STIL: variants seen among roughly 807,000 people sequenced by gnomAD.
The protein encoded by STIL is SCL-interrupting locus protein.
In STIL, 55 loss-of-function variants were observed where a neutral mutation model predicts 110.1. That is an observed-to-expected ratio of 0.50 (90% confidence interval 0.40 to 0.63). The LOEUF (loss-of-function observed/expected upper bound fraction) is 0.63, where lower values mean the gene tolerates loss of function less well. STIL is among the 20% of genes least tolerant of loss of function. The pLI is 0.00. For synonymous variants in STIL, 481 were observed against 530.0 expected (o/e 0.91, Z 1.27); for missense variants, 1,358 against 1,530.0 (o/e 0.89, Z 1.87).
chr1:47,268,713 G>A (rs2897238), intron 14 of STIL, among the ~76,000 whole-genome samples: 38,385 of 151,686 alleles, frequency 0.25, 5,206 homozygotes, highest in Non-Finnish European at 0.31. Flanking sequence ...AGTCAAGATC[G>A]CACCATTGCA....
At chr1:47,295,707 T>C (rs1027648047) in intron 7 of STIL, 58 bp downstream of exon 7, 2 of 1,169,020 alleles carry the variant, frequency 1.7e-6, no homozygotes, top group African/African-American at 3.0e-5. Context: ...GTCACATGCT[T>C]ATCATATACA....
intron 1 of STIL, among the ~76,000 whole-genome samples, chr1:47,310,660 G>A (rs1268064996): frequency 1.3e-5 from 2 of 152,058 alleles, no homozygotes; most frequent in Non-Finnish European, 2.9e-5. Flanking sequence ...GCTCGGTAAG[G>A]CAGGTAGTAT....
chr1:47,283,067 C>G (rs1215582168), intron 10 of STIL: 2 of 152,676 alleles, frequency 1.3e-5, no homozygotes, highest in Non-Finnish European at 2.9e-5. Flanking sequence ...ATACTATATG[C>G]ATCAGGCTTT....
intron 9 of STIL, among the ~76,000 whole-genome samples, chr1:47,288,986 TG>T (rs1645390951): frequency 7.3e-6 from 1 of 136,222 alleles, no homozygotes. Flanking sequence ...CACTTGAACC[TG>T]GGAGGCAGAG....
rs1644159202 is a variant in STIL, at chr1:47,250,613, A to G, written c.*523T>C. 1 of 159,264 alleles carries G rather than the reference A, an allele frequency of 6.3e-6. No homozygotes were observed. The allele number at this position is 159,264 out of a possible 1,614,324, so 9.9% of individuals were successfully genotyped here. On this transcript the variant is annotated 3_prime_UTR_variant, in exon 17 of 17. Transcript: ENST00000371877. ...GGCGGGCGGATCACCTGAGGTCGGG[A>G]GTTTGAGACCAGCCTGACCAACATG...
At chr1:47,263,797 G>C (rs1042850817) in intron 14 of STIL, among the ~76,000 whole-genome samples, 1 of 128,088 alleles carries the variant, frequency 7.8e-6, no homozygotes. Flanking sequence ...ATGTCACCCA[G>C]GCTGGAATGT....
chr1:47,313,076 C>T (rs1646181915), intron 1 of STIL: 1 of 152,260 alleles, frequency 6.6e-6, no homozygotes, highest in African/African-American at 2.4e-5. Context: ...GTAATCCCAG[C>T]ATTTTGGGAG....
chr1:47,291,397 TTTAAAAA>T (rs1393297477), intron 8 of STIL, among the ~76,000 whole-genome samples: 4 of 151,258 alleles, frequency 2.6e-5, no homozygotes, highest in East Asian at 1.9e-4. Flanking sequence ...TAAATAAAAA[TTTAAAAA>T]TTAAAAATTA....
intron 16 of STIL, among the ~76,000 whole-genome samples, chr1:47,252,796 C>T (rs1277838826): frequency 6.7e-6 from 1 of 148,478 alleles, no homozygotes; most frequent in African/African-American, 2.5e-5. Context: ...CACACACACA[C>T]ACACACACAC....
At chr1:47,303,826 A>C (rs1000823510) in intron 3 of STIL, among the ~76,000 whole-genome samples, 8 of 152,182 alleles carry the variant, frequency 5.3e-5, no homozygotes, top group Non-Finnish European at 8.8e-5. Flanking sequence ...CAGTTCCTCT[A>C]TTCAGTCAAT....
intron 12 of STIL, 37 bp downstream of exon 12, chr1:47,280,204 C>G: frequency 6.2e-7 from 1 of 1,613,442 alleles, no homozygotes; most frequent in Non-Finnish European, 8.5e-7. Flanking sequence ...ATCTTAATAC[C>G]AAGAAATTAA....
At chr1:47,310,189 A>G in intron 2 of STIL, 87 bp downstream of exon 2, 1 of 1,342,686 alleles carries the variant, frequency 7.4e-7, no homozygotes, top group Non-Finnish European at 1.0e-6. Context: ...CTGATTCTAA[A>G]GATTATATTC....
chr1:47,252,825 G>A lies in STIL; in HGVS notation c.3081-903C>T, dbSNP rs201057194. Reference sequence around the variant, plus strand: ...CACACACACACACACACACACACACGAATACTTTTTTCATTAGTTATAATC... The same window carrying A: ...CACACACACACACACACACACACACAAATACTTTTTTCATTAGTTATAATC... On this transcript the variant is annotated intron_variant, in intron 16 of 16. Transcript: ENST00000371877. Among the ~76,000 whole-genome samples, 54 of 94,026 alleles carry A rather than the reference G, an allele frequency of 5.7e-4. 2 individuals carry two copies. In the East Asian group the frequency reaches 0.012, roughly 20 times the overall value. The allele number at this position is 94,026 out of a possible 152,430, so 61.7% of individuals were successfully genotyped here. A position where few individuals can be genotyped will look rare whatever the true frequency, so the allele number is the denominator to read the frequency against.
intron 9 of STIL, among the ~76,000 whole-genome samples, chr1:47,288,273 T>C (rs909693546): frequency 2.0e-4 from 31 of 151,886 alleles, no homozygotes; most frequent in African/African-American, 7.5e-4. Flanking sequence ...TTTCATATAA[T>C]GACACCTAGT....
intron 6 of STIL, 116 bp from the exon 7 acceptor site, chr1:47,295,964 T>C (rs1645631310): frequency 4.0e-6 from 3 of 752,882 alleles, no homozygotes; most frequent in Admixed American, 4.5e-5. Flanking sequence ...ATGAACGTTG[T>C]CTTGCACACA....
In STIL at chr1:47,310,325, C is replaced by T; in HGVS notation, c.-6G>A. 1 of 1,612,486 alleles carries T rather than the reference C, an allele frequency of 6.2e-7. No individual in the cohort carries two copies. The highest frequency in any genetic ancestry group is 8.5e-7 in the Non-Finnish European group (1 of 1,179,136). ...AAAGGATATATAGGCTCCATGATGT[C>T]TGGTGAATGATTTCTTTAATTCCAA... On this transcript the variant is annotated 5_prime_UTR_variant, in exon 2 of 17. Coordinates refer to ENST00000371877, the MANE Select transcript of STIL (RefSeq NM_001048166.1).
intron 12 of STIL, among the ~76,000 whole-genome samples, chr1:47,274,970 G>A (rs1341093551): frequency 6.6e-6 from 1 of 151,786 alleles, no homozygotes; most frequent in Non-Finnish European, 1.5e-5. Flanking sequence ...TAGCCAACAT[G>A]GTAAAACCCT....
At chr1:47,282,298 T>A (rs778464372) in intron 11 of STIL, 47 bp downstream of exon 11, 2 of 1,198,572 alleles carry the variant, frequency 1.7e-6, no homozygotes, top group South Asian at 2.4e-5. Flanking sequence ...ATGAAGAGAC[T>A]TAGGTCTCTA....
In STIL at chr1:47,257,500, C is replaced by T. The variant is rs139681598; in HGVS notation, c.3080+2789G>A. On this transcript the variant is annotated intron_variant, in intron 16 of 16. Coordinates refer to ENST00000371877, the MANE Select transcript of STIL (RefSeq NM_001048166.1). ...CAGGCCTGGGTGACAGAGCAAGATC[C>T]TATTTTTAAAAACTAAAAAAAAGTT... Among the ~76,000 whole-genome samples the T allele has an allele frequency of 6.4e-4, 98 of 152,134 alleles. 1 individual carries two copies. The highest frequency in any genetic ancestry group is 3.4e-3 in the Middle Eastern group (1 of 292).
Sources: allele counts gnomAD v4.1 joint callset (sites outside exome capture counted in the v4.1 genomes callset), GRCh38; gene constraint gnomAD v4.1.1; transcripts MANE v1.5; gene names NCBI Gene and HGNC (gene_info 2026-07-23, HGNC 2026-07-21).